NSMAF: variants seen among roughly 807,000 people sequenced by gnomAD.
NSMAF encodes the protein protein FAN.
NSMAF carries 90 observed loss-of-function variants against 134.9 expected under a neutral mutation model. The ratio of observed to expected loss-of-function variants is 0.67; its 90% CI spans 0.56 to 0.79. The LOEUF is 0.79. Ranked by LOEUF, NSMAF falls within the 30% of genes least tolerant of loss-of-function variation. NSMAF has a pLI of 0.00. For missense variants in NSMAF, 1,010 were observed against 1,119.0 expected, an observed-to-expected ratio of 0.90 and a Z score of 1.39; for synonymous variants, 358 against 389.6, an observed-to-expected ratio of 0.92 and a Z score of 0.96.
At chr8:58,642,866 A>AT (rs576272768) in intron 2 of NSMAF, 118 bp downstream of exon 2, 16 of 738,008 alleles carry the variant, frequency 2.2e-5, no homozygotes, top group Non-Finnish European at 3.3e-5. Context: ...ATTTACTTTA[A>AT]TTTTTTTTAA....
intron 9 of NSMAF, among the ~76,000 whole-genome samples, chr8:58,620,810 A>C (rs1806773269): frequency 1.3e-5 from 2 of 152,148 alleles, no homozygotes; most frequent in South Asian, 4.1e-4. Flanking sequence ...GACCGAGGAG[A>C]GCTAATGGGG....
At chr8:58,649,368 T>C (rs1807530844) in intron 1 of NSMAF, among the ~76,000 whole-genome samples, 1 of 152,146 alleles carries the variant, frequency 6.6e-6, no homozygotes. Flanking sequence ...TGGAAAGAGA[T>C]AGGTGTAAGA....
chr8:58,583,661 AAC>A lies in NSMAF; in HGVS notation c.*443_*444del, dbSNP rs1193653263. On this transcript the variant is annotated 3_prime_UTR_variant, in exon 31 of 31. Coordinates refer to ENST00000038176, the MANE Select transcript of NSMAF (RefSeq NM_003580.4). The stretch of plus-strand genomic sequence containing the variant: ...TTATAGAAAGTAACCACGCTATGAA[AAC>A]ACACACCCAAAACCCGATGGGTGGC... The A allele has an allele frequency of 2.9e-5, 6 of 208,794 alleles. No individual in the cohort carries two copies. The highest frequency in any genetic ancestry group is 5.7e-5 in the Non-Finnish European group (6 of 104,366). 12.9% of individuals were successfully genotyped at this position (208,794 alleles called of 1,614,324 possible). A position where few individuals can be genotyped will look rare whatever the true frequency, so the allele number is the denominator to read the frequency against.
chr8:58,597,901 T>C lies in NSMAF; in HGVS notation c.1587A>G (p.Val529=). 1 of 1,604,224 alleles carries C rather than the reference T, an allele frequency of 6.2e-7. No individual in the cohort carries two copies. The highest frequency in any genetic ancestry group is 8.5e-7 in the Non-Finnish European group (1 of 1,171,192). ...KGSDAVGAHN[V]FHPLTYEGGV... is the part of the protein sequence containing the mutation. Reference sequence around the variant, plus strand: ...CTCCTTCATAGGTCAGGGGATGAAATACTGAAAAAGACATACAAAACACTA... The same window carrying C: ...CTCCTTCATAGGTCAGGGGATGAAACACTGAAAAAGACATACAAAACACTA... Residue 529 remains valine (V), a splice_region_variant and synonymous_variant, in exon 20 of 31, where the codon GTA becomes GTG. Transcript: ENST00000038176.
chr8:58,590,469 G>C (rs1383831619), intron 24 of NSMAF, among the ~76,000 whole-genome samples: 2 of 152,122 alleles, frequency 1.3e-5, no homozygotes, highest in African/African-American at 2.4e-5. Context: ...AGAATTTCCA[G>C]ATCTTTTGCA....
intron 28 of NSMAF, 132 bp downstream of exon 28, chr8:58,586,326 G>A (rs1805884264): frequency 1.1e-6 from 1 of 937,040 alleles, no homozygotes. Flanking sequence ...TTAGCCATTG[G>A]CAAAACCTCT....
chr8:58,609,173 G>A (rs981962441), intron 10 of NSMAF, among the ~76,000 whole-genome samples: 1 of 152,206 alleles, frequency 6.6e-6, no homozygotes, highest in Non-Finnish European at 1.5e-5. Flanking sequence ...CAGATCTACT[G>A]AGGTTGTTCA....
intron 23 of NSMAF, among the ~76,000 whole-genome samples, chr8:58,592,790 G>A (rs1184151303): frequency 1.3e-5 from 2 of 152,132 alleles, no homozygotes; most frequent in Non-Finnish European, 2.9e-5. Flanking sequence ...AGGAGGCTGA[G>A]GCGGGAGAAT....
At chr8:58,628,835 G>C (rs1585752031) in intron 6 of NSMAF, among the ~76,000 whole-genome samples, 1 of 151,948 alleles carries the variant, frequency 6.6e-6, no homozygotes, top group East Asian at 1.9e-4. Context: ...TTATTTGTTT[G>C]TTTTATTTGG....
chr8:58,598,397 G>A lies in NSMAF; in HGVS notation c.1586-495C>T, dbSNP rs567562241. ...AGCTACTTGGGAGGCTGAGGCAGGA[G>A]GATTGCTTGAACCCAGGAGCCAGAG... On this transcript the variant is annotated intron_variant, in intron 19 of 30. Transcript: ENST00000038176. 5.3e-5 allele frequency among the ~76,000 whole-genome samples: 8 copies of A among 150,060 alleles called. No homozygotes were observed. In the East Asian group the frequency reaches 1.6e-3, roughly 30 times the overall value.
chr8:58,630,184 A>G (rs944954506), intron 6 of NSMAF, among the ~76,000 whole-genome samples: 5 of 152,076 alleles, frequency 3.3e-5, no homozygotes, highest in African/African-American at 9.7e-5. Flanking sequence ...GGGGTGCAGG[A>G]TCCTCTTAAC....
intron 22 of NSMAF, 34 bp from the exon 23 acceptor site, chr8:58,594,324 C>T (rs778853887): frequency 1.9e-6 from 3 of 1,579,878 alleles, no homozygotes; most frequent in African/African-American, 1.3e-5. Flanking sequence ...AATTACTACT[C>T]ATCATGTGTT....
At chr8:58,620,854 G>T (rs1163524211) in intron 9 of NSMAF, among the ~76,000 whole-genome samples, 1 of 152,148 alleles carries the variant, frequency 6.6e-6, no homozygotes, top group Admixed American at 6.5e-5. Flanking sequence ...AAAATGGAGA[G>T]AATCCATTAA....
intron 1 of NSMAF, among the ~76,000 whole-genome samples, chr8:58,650,866 T>A (rs540051046): frequency 4.5e-4 from 68 of 152,368 alleles, no homozygotes; most frequent in Middle Eastern, 3.4e-3. Context: ...ACTAAGCATT[T>A]CAGCCAGTAT....
At chr8:58,613,428 T>C (rs1045770611) in intron 9 of NSMAF, among the ~76,000 whole-genome samples, 1 of 152,154 alleles carries the variant, frequency 6.6e-6, no homozygotes. Flanking sequence ...ACGAGGTACA[T>C]ATTGTAATCT....
intron 6 of NSMAF, 126 bp from the exon 7 acceptor site, chr8:58,623,906 C>T (rs550218238): frequency 1.5e-6 from 1 of 684,532 alleles, no homozygotes; most frequent in Non-Finnish European, 2.5e-6. Flanking sequence ...TGTAACTTCC[C>T]CACTGGAATG....
intron 1 of NSMAF, among the ~76,000 whole-genome samples, chr8:58,654,362 C>T (rs1807653964): frequency 6.6e-6 from 1 of 152,092 alleles, no homozygotes; most frequent in East Asian, 1.9e-4. Flanking sequence ...ACCAGCCTGA[C>T]CAACATGGAG....
At chr8:58,613,812 T>C (rs1806589342) in intron 9 of NSMAF, among the ~76,000 whole-genome samples, 1 of 152,234 alleles carries the variant, frequency 6.6e-6, no homozygotes, top group Non-Finnish European at 1.5e-5. Flanking sequence ...GATTTTTGAA[T>C]GTTTGTATCA....
intron 1 of NSMAF, among the ~76,000 whole-genome samples, chr8:58,652,589 CT>C (rs1807611239): frequency 6.6e-6 from 1 of 152,138 alleles, no homozygotes. Context: ...CCCTGGAGTG[CT>C]GGTTTCTCCT....
Sources: gnomAD v4.1 joint callset for allele counts (sites outside exome capture counted in the v4.1 genomes callset) on GRCh38, gnomAD v4.1.1 for gene constraint, MANE v1.5 for transcripts, NCBI Gene and HGNC (gene_info 2026-07-23, HGNC 2026-07-21) for gene names.